IFI44L: variants seen among roughly 807,000 people sequenced by gnomAD.
IFI44L encodes interferon induced protein 44 like.
A neutral mutation model predicts 39.3 loss-of-function variants in IFI44L; 40 were observed. The ratio of observed to expected loss-of-function variants is 1.02; its 90% CI spans 0.79 to 1.33. IFI44L has a LOEUF of 1.33. Among genes scored for constraint, IFI44L ranks in the 40% most tolerant of loss-of-function variants. The pLI is 0.00. For missense variants in IFI44L, 623 were observed against 549.0 expected, an observed-to-expected ratio of 1.13 and a Z score of -1.35; for synonymous variants, 198 against 182.3, an observed-to-expected ratio of 1.09 and a Z score of -0.69.
In IFI44L at chr1:78,645,418, T is replaced by C. The variant is rs548746085; in HGVS notation, c.*3609T>C. 2 of 152,336 alleles carry C rather than the reference T, an allele frequency of 1.3e-5. No individual in the cohort carries two copies. The highest frequency in any genetic ancestry group is 3.9e-4 in the East Asian group (2 of 5,184). 9.4% of individuals were successfully genotyped at this position (152,336 alleles called of 1,614,324 possible). A position where few individuals can be genotyped will look rare whatever the true frequency, so the allele number is the denominator to read the frequency against. On this transcript the variant is annotated 3_prime_UTR_variant, in exon 9 of 9. Coordinates refer to ENST00000370751, the MANE Select transcript of IFI44L (RefSeq NM_006820.4). Reference sequence around the variant, plus strand: ...AGGGGTTACTGTGCTGGGTAATGTGTAAACTTGTGTCTTGTTTAGAAAGAT... The same window carrying C: ...AGGGGTTACTGTGCTGGGTAATGTGCAAACTTGTGTCTTGTTTAGAAAGAT...
rs1647020200 is a variant in IFI44L, at chr1:78,643,988, T to C, written c.*2179T>C. On this transcript the variant is annotated 3_prime_UTR_variant, in exon 9 of 9. Coordinates refer to ENST00000370751, the MANE Select transcript of IFI44L (RefSeq NM_006820.4). ...TCTACATTTTATGTAGTGGTTAATG[T>C]TTGCTGTTCATTAGGATGGTTTCAC... 6.6e-6 allele frequency: 1 copy of C among 152,166 alleles called. No individual in the cohort carries two copies. The highest frequency in any genetic ancestry group is 1.5e-5 in the Non-Finnish European group (1 of 68,022). The allele number at this position is 152,166 out of a possible 1,614,324, so 9.4% of individuals were successfully genotyped here.
chr1:78,641,588 G>C lies in IFI44L; in HGVS notation c.1303G>C (p.Asp435His). The C allele has an allele frequency of 6.2e-7, 1 of 1,613,502 alleles. No homozygotes were observed. Among genetic ancestry groups the C allele is most frequent in the Non-Finnish European group, 8.5e-7 (1 of 1,179,582 alleles). Residue 435 changes from aspartate (D) to histidine (H), a missense_variant, in exon 8 of 9, where the codon GAT (aspartate) becomes CAT (histidine). Physicochemically the swap from Asp to His is moderately conservative, Grantham distance 81. Transcript: ENST00000370751. ...GCGGGCTGCAGATGATTTTTTAGAA[G>C]ATTTGCCTCTTGAGGAAACTGGTAA... ...MLRAADDFLE[D>H]LPLEETGAIE...
At chr1:78,637,725 C>A (rs1479363683) in intron 6 of IFI44L, among the ~76,000 whole-genome samples, 1 of 152,038 alleles carries the variant, frequency 6.6e-6, no homozygotes, top group Admixed American at 6.6e-5. Flanking sequence ...AGTATGTCAC[C>A]TTTTGAGACT....
chr1:78,632,870 G>A (rs569738997), intron 4 of IFI44L, among the ~76,000 whole-genome samples: 59 of 152,146 alleles, frequency 3.9e-4, no homozygotes, highest in African/African-American at 1.3e-3. Context: ...TTAAAAAAAT[G>A]CTTTTTAAGT....
At position 78,635,408 on chromosome 1, in the gene IFI44L, G is replaced by A. The variant is rs2100498763; in HGVS notation, c.795G>A (p.Gly265=). 6.2e-7 allele frequency: 1 copy of A among 1,613,336 alleles called. No individual in the cohort carries two copies. Among genetic ancestry groups the A allele is most frequent in the Non-Finnish European group, 8.5e-7 (1 of 1,179,398 alleles). ...SLPFMLCDTM[G]LDGAEGAGLC... ...CATTTATGTTGTGTGACACTATGGGGCTAGATGGGGCAGAAGGAGCAGGAC... is the reference window on the plus strand; with the variant it reads ...CATTTATGTTGTGTGACACTATGGGACTAGATGGGGCAGAAGGAGCAGGAC... The change falls in exon 5 of 9, where the codon GGG becomes GGA. Residue 265 remains glycine (G), a synonymous_variant. Coordinates refer to ENST00000370751, the MANE Select transcript of IFI44L (RefSeq NM_006820.4).
intron 6 of IFI44L, 46 bp downstream of exon 6, chr1:78,637,249 T>C (rs1355523508): frequency 1.4e-6 from 2 of 1,405,692 alleles, no homozygotes; most frequent in East Asian, 2.5e-5. Flanking sequence ...GAAATAATTA[T>C]AGATTTGTAG....
At chr1:78,632,197 A>T (rs539132269) in intron 4 of IFI44L, among the ~76,000 whole-genome samples, 3 of 152,286 alleles carry the variant, frequency 2.0e-5, no homozygotes, top group African/African-American at 7.2e-5. Flanking sequence ...GATATTTGGC[A>T]GGTATCTTAA....
rs2100498641 is a variant in IFI44L at position 78,635,370 on chromosome 1, G to T, written c.757G>T (p.Gly253Ter). 2 of 1,611,300 alleles carry T rather than the reference G, an allele frequency of 1.2e-6. No homozygotes were observed. Among genetic ancestry groups the T allele is most frequent in the South Asian group, 1.1e-5 (1 of 91,026 alleles). The stretch of plus-strand genomic sequence containing the variant: ...ATATTCTGTTAAAGATGGAAAAAAT[G>T]GAAAATCTCTGCCATTTATGTTGTG... Reference protein sequence around the residue: ...RIYSVKDGKNGKSLPFMLCDT... With the variant: ...RIYSVKDGKN Residue 253 changes from glycine to a stop codon, truncating the protein, a stop_gained, in exon 5 of 9, where the codon GGA (glycine) becomes TGA (stop). Coordinates refer to ENST00000370751, the MANE Select transcript of IFI44L (RefSeq NM_006820.4). LOFTEE classifies it high-confidence loss of function.
At chr1:78,634,788 G>A (rs1652878029) in intron 4 of IFI44L, among the ~76,000 whole-genome samples, 1 of 151,064 alleles carries the variant, frequency 6.6e-6, no homozygotes, top group South Asian at 2.1e-4. Context: ...GTAAATTGTG[G>A]TATCAAAGGT....
chr1:78,629,141 C>A, intron 3 of IFI44L, 142 bp downstream of exon 3: 3 of 648,464 alleles, frequency 4.6e-6, no homozygotes, highest in South Asian at 3.6e-5. Context: ...CATAAAATAA[C>A]AAAAGCACTA....
chr1:78,624,064 G>A (rs1652391985), intron 1 of IFI44L, among the ~76,000 whole-genome samples: 1 of 151,814 alleles, frequency 6.6e-6, no homozygotes, highest in African/African-American at 2.4e-5. Context: ...CTGGAGTGCA[G>A]TGGTGCAATC....
At chr1:78,635,276 TG>T in intron 4 of IFI44L, 60 bp from the exon 5 acceptor site, 1 of 1,308,178 alleles carries the variant, frequency 7.6e-7, no homozygotes, top group Non-Finnish European at 1.1e-6. Flanking sequence ...TTCTTCTTAT[TG>T]TCATGTCTTG....
At chr1:78,629,550 T>C (rs911099708) in intron 3 of IFI44L, 170 bp from the exon 4 acceptor site, 1 of 482,390 alleles carries the variant, frequency 2.1e-6, no homozygotes, top group African/African-American at 2.0e-5. Context: ...TGTATAACTT[T>C]AGATATTTCA....
At chr1:78,623,120 T>C (rs1160804881) in intron 1 of IFI44L, among the ~76,000 whole-genome samples, 2 of 152,210 alleles carry the variant, frequency 1.3e-5, no homozygotes, top group Admixed American at 6.5e-5. Flanking sequence ...TATAAGATAA[T>C]ATCATCTGTG....
At chr1:78,634,031 A>T (rs1312747898) in intron 4 of IFI44L, among the ~76,000 whole-genome samples, 3 of 152,068 alleles carry the variant, frequency 2.0e-5, no homozygotes, top group Non-Finnish European at 4.4e-5. Context: ...GATAGAGAAT[A>T]AAAAAACAGA....
chr1:78,639,349 G>T (rs2100391340), intron 6 of IFI44L, among the ~76,000 whole-genome samples: 1 of 152,170 alleles, frequency 6.6e-6, no homozygotes, highest in East Asian at 1.9e-4. Flanking sequence ...CCATGGATAG[G>T]GCTAAGGTGA....
chr1:78,636,349 C>T (rs963831928), intron 5 of IFI44L, among the ~76,000 whole-genome samples: 2 of 152,002 alleles, frequency 1.3e-5, no homozygotes, highest in African/African-American at 4.8e-5. Context: ...AGGGATAGAG[C>T]GAAGACATTG....
chr1:78,628,479 G>A (rs1570354907), intron 2 of IFI44L, 86 bp downstream of exon 2: 2 of 781,232 alleles, frequency 2.6e-6, no homozygotes, highest in East Asian at 4.9e-5. Context: ...CAAGAGCAAG[G>A]AAAGTGAAAG....
chr1:78,623,389 GTTTTTTGTTTTTTTTT>G (rs1326459781), intron 1 of IFI44L, among the ~76,000 whole-genome samples: 86 of 19,948 alleles, frequency 4.3e-3, no homozygotes, highest in African/African-American at 0.01. Flanking sequence ...TGGTTTAAGT[GTTTTTTGTTTTTTTTT>G]TTTTTTTTTT....
Sources: gnomAD v4.1 joint callset for allele counts (sites outside exome capture counted in the v4.1 genomes callset) on GRCh38, gnomAD v4.1.1 for gene constraint, MANE v1.5 for transcripts, NCBI Gene and HGNC (gene_info 2026-07-23, HGNC 2026-07-21) for gene names.